Variants in PRPSAP1 observed in about 807,000 individuals in gnomAD.
The protein encoded by PRPSAP1 is phosphoribosyl pyrophosphate synthetase associated protein 1, also known as phosphoribosyl pyrophosphate synthase-associated protein 1.
Under a neutral mutation model 39.4 loss-of-function variants are expected in PRPSAP1, and 31 were observed. The observed-to-expected ratio is 0.79, with a 90% CI of 0.59 to 1.06. PRPSAP1 has a LOEUF of 1.06. Among genes scored for constraint, PRPSAP1 ranks in the 50% least tolerant of loss-of-function variants. The pLI is 0.00. For missense variants in PRPSAP1, 430 were observed against 511.6 expected (o/e 0.84, Z 1.54); for synonymous variants, 212 against 192.6 (o/e 1.10, Z -0.83).
Position 76,311,439 on chromosome 17 carries a change from AGG to A in PRPSAP1, c.*101_*102del. 1.5e-6 allele frequency: 2 copies of A among 1,303,304 alleles called. No homozygotes were observed. Among genetic ancestry groups the A allele is most frequent in the Non-Finnish European group, 2.1e-6 (2 of 960,276 alleles). The allele number at this position is 1,303,304 out of a possible 1,614,324, so 80.7% of individuals were successfully genotyped here. On this transcript the variant is annotated 3_prime_UTR_variant, in exon 10 of 10. Coordinates refer to ENST00000446526, the MANE Select transcript of PRPSAP1 (RefSeq NM_002766.3). The stretch of plus-strand genomic sequence containing the variant: ...CGGGCAAAAGAAGATATCTAACTCC[AGG>A]CTGTTTCGAGTCCTCCCTTGCAAGG...
At position 76,309,737 on chromosome 17, in the gene PRPSAP1, T is replaced by C. The variant is rs1256500670; in HGVS notation, c.*1805A>G. 1 of 152,230 alleles carries C rather than the reference T, an allele frequency of 6.6e-6. No homozygotes were observed. The highest frequency in any genetic ancestry group is 2.4e-5 in the African/African-American group (1 of 41,448). 9.4% of individuals were successfully genotyped at this position (152,230 alleles called of 1,614,324 possible). On this transcript the variant is annotated 3_prime_UTR_variant, in exon 10 of 10. Transcript: ENST00000446526. ...AGTCATCCAGGATGTGCATAGCTTA[T>C]ATGCAGATACTACACCATTTTCTAT...
At position 76,310,729 on chromosome 17, in the gene PRPSAP1, C is replaced by CA. The variant is rs2071062076; in HGVS notation, c.*812dup. ...AGCAATCCTCCTTGCCTCAGCCTCCCAAAGTACTCAGATTATAGGTGTGAG... is the reference window on the plus strand; with the variant it reads ...AGCAATCCTCCTTGCCTCAGCCTCCCAAAAGTACTCAGATTATAGGTGTGAG... On this transcript the variant is annotated 3_prime_UTR_variant, in exon 10 of 10. Coordinates refer to ENST00000446526, the MANE Select transcript of PRPSAP1 (RefSeq NM_002766.3). 3 of 151,896 alleles carry CA rather than the reference C, an allele frequency of 2.0e-5. No homozygotes were observed. The South Asian group carries it at 6.2e-4, about 32-fold the overall frequency. 9.4% of individuals were successfully genotyped at this position (151,896 alleles called of 1,614,324 possible). A position where few individuals can be genotyped will look rare whatever the true frequency, so the allele number is the denominator to read the frequency against.
chr17:76,325,078 AAAAAAG>A (rs1461391440), intron 7 of PRPSAP1, among the ~76,000 whole-genome samples: 3 of 149,542 alleles, frequency 2.0e-5, no homozygotes, highest in Non-Finnish European at 4.4e-5. Context: ...ACAAAAAAAA[AAAAAAG>A]AAAAGAAAAA....
intron 3 of PRPSAP1, among the ~76,000 whole-genome samples, chr17:76,334,178 T>A (rs773368899): frequency 1.3e-5 from 2 of 152,156 alleles, no homozygotes; most frequent in Non-Finnish European, 2.9e-5. Flanking sequence ...AACATCCCCG[T>A]CTTGGGGTGG....
chr17:76,328,625 A>C, intron 7 of PRPSAP1, 92 bp downstream of exon 7: 1 of 1,492,134 alleles, frequency 6.7e-7, no homozygotes, highest in Non-Finnish European at 9.1e-7. Context: ...AAAACAAAAC[A>C]AAACAAAACA....
chr17:76,328,883 G>C (rs773288150), intron 6 of PRPSAP1, 21 bp from the exon 7 acceptor site: 1 of 1,587,698 alleles, frequency 6.3e-7, no homozygotes, highest in Admixed American at 1.9e-5. Flanking sequence ...AAAGGGAAAT[G>C]GTGAAACTGA....
rs1451648915 is a variant in PRPSAP1 at position 76,353,865 on chromosome 17, A to G, written c.-162T>C. ...CCTTGCGCACCCCACACCACTGACTACAGCGGCCGAGCCTTCGCAGCGCCC... is the reference window on the plus strand; with the variant it reads ...CCTTGCGCACCCCACACCACTGACTGCAGCGGCCGAGCCTTCGCAGCGCCC... On this transcript the variant is annotated 5_prime_UTR_variant, in exon 1 of 10. Transcript: ENST00000446526. The G allele has an allele frequency of 3.0e-6, 4 of 1,316,968 alleles. No homozygotes were observed. The highest frequency in any genetic ancestry group is 3.9e-6 in the Non-Finnish European group (4 of 1,037,134). The allele number at this position is 1,316,968 out of a possible 1,614,324, so 81.6% of individuals were successfully genotyped here.
Position 76,353,697 on chromosome 17 carries a change from T to C in PRPSAP1, c.7A>G (p.Lys3Glu), listed in dbSNP as rs551696186. 49 of 1,483,214 alleles carry C rather than the reference T, an allele frequency of 3.3e-5. No individual in the cohort carries two copies. The highest frequency in any genetic ancestry group is 4.8e-4 in the Middle Eastern group (2 of 4,200). The allele number at this position is 1,483,214 out of a possible 1,614,324, so 91.9% of individuals were successfully genotyped here. The stretch of plus-strand genomic sequence containing the variant: ...GGCGGGGGCAACAGCAGCAGCTTCT[T>C]GGGCATCGTCCGGCCCGCGGCGCGG... The part of the protein sequence containing the change: MP[K>E]KLLLLPPPSA... Residue 3 changes from lysine (K) to glutamate (E), a missense_variant, in exon 1 of 10, where the codon AAG (lysine) becomes GAG (glutamate). Lys to Glu is a moderately conservative substitution (Grantham distance 56). Around this residue, in one of 2 missense-constraint regions of PRPSAP1, gnomAD observed 152 missense variants for 135.2 expected, o/e 1.12. Transcript: ENST00000446526.
intron 2 of PRPSAP1, among the ~76,000 whole-genome samples, chr17:76,346,601 T>C (rs1415802838): frequency 6.6e-6 from 1 of 152,210 alleles, no homozygotes; most frequent in East Asian, 1.9e-4. Context: ...GTTTCTAGAC[T>C]GTGGATCTTC....
In PRPSAP1 at chr17:76,343,343, C is replaced by G. The variant is rs151142458; in HGVS notation, c.290+1328G>C. Among the ~76,000 whole-genome samples, 474 of 152,320 alleles carry G rather than the reference C, an allele frequency of 3.1e-3. 4 individuals are homozygous for G. Among genetic ancestry groups the G allele is most frequent in the African/African-American group, 0.011 (443 of 41,578 alleles). On this transcript the variant is annotated intron_variant, in intron 3 of 9. Coordinates refer to ENST00000446526, the MANE Select transcript of PRPSAP1 (RefSeq NM_002766.3). ...CCCCCTGCCCTGAGGGAAGCAAGGG[C>G]GACGATCTCTGAAACAGAGATAGGC...
intron 7 of PRPSAP1, among the ~76,000 whole-genome samples, chr17:76,327,083 C>G (rs1598525238): frequency 1.3e-5 from 2 of 152,304 alleles, no homozygotes; most frequent in South Asian, 2.1e-4. Context: ...CACGGTGGCT[C>G]ACACCTGTAA....
Position 76,350,656 on chromosome 17 carries a change from A to G in PRPSAP1, c.171-2075T>C, listed in dbSNP as rs540751060. ...TACAGAGTTTCTGTTTGGGATGATG[A>G]AAAGTTCTGGAAATGAATAGTGGTG... On this transcript the variant is annotated intron_variant, in intron 1 of 9. Coordinates refer to ENST00000446526, the MANE Select transcript of PRPSAP1 (RefSeq NM_002766.3). 3.3e-4 allele frequency among the ~76,000 whole-genome samples: 51 copies of G among 152,306 alleles called. 1 individual carries two copies. In the South Asian group the frequency reaches 6.8e-3, roughly 20 times the overall value.
intron 7 of PRPSAP1, among the ~76,000 whole-genome samples, chr17:76,319,863 G>T (rs2071170263): frequency 6.6e-6 from 1 of 152,180 alleles, no homozygotes; most frequent in Admixed American, 6.5e-5. Flanking sequence ...CACGGGGCGT[G>T]GTTATAGCAC....
At chr17:76,337,089 T>G (rs868055679) in intron 3 of PRPSAP1, among the ~76,000 whole-genome samples, 1 of 152,136 alleles carries the variant, frequency 6.6e-6, no homozygotes, top group South Asian at 2.1e-4. Flanking sequence ...CTACTTTTCT[T>G]TCTTTTTTTT....
At chr17:76,319,659 G>A (rs1478689730) in intron 7 of PRPSAP1, among the ~76,000 whole-genome samples, 4 of 151,554 alleles carry the variant, frequency 2.6e-5, no homozygotes, top group Admixed American at 6.6e-5. Flanking sequence ...AGTAGAGACG[G>A]GGTTTCACCG....
At chr17:76,352,412 G>A (rs553012791) in intron 1 of PRPSAP1, among the ~76,000 whole-genome samples, 5 of 152,134 alleles carry the variant, frequency 3.3e-5, no homozygotes, top group South Asian at 4.2e-4. Flanking sequence ...TTGGGAGGCC[G>A]AGGCGGGCGG....
At chr17:76,320,300 A>AGGGAGG (rs1276016405) in intron 7 of PRPSAP1, among the ~76,000 whole-genome samples, 11 of 85,644 alleles carry the variant, frequency 1.3e-4, no homozygotes, top group Admixed American at 2.3e-4. Context: ...GAAAGAAAGA[A>AGGGAGG]AAGAAAGGAA....
At position 76,313,033 on chromosome 17, in the gene PRPSAP1, G is replaced by T; in HGVS notation, c.853-17C>A. The T allele has an allele frequency of 6.2e-7, 1 of 1,612,102 alleles. No homozygotes were observed. The highest frequency in any genetic ancestry group is 8.5e-7 in the Non-Finnish European group (1 of 1,179,322). On this transcript the variant is annotated splice_polypyrimidine_tract_variant and intron_variant, in intron 8 of 9. Coordinates refer to ENST00000446526, the MANE Select transcript of PRPSAP1 (RefSeq NM_002766.3). ...AATGTCATCCTGGGAGGAGAACAGA[G>T]TGAGTTGGTAGGAAAGAAACACCCT...
At chr17:76,317,628 C>A (rs143516027) in intron 7 of PRPSAP1, among the ~76,000 whole-genome samples, 39 of 152,310 alleles carry the variant, frequency 2.6e-4, no homozygotes, top group African/African-American at 8.4e-4. Flanking sequence ...GCAAACAAAT[C>A]AAAATTTACA....
Sources: gnomAD v4.1 joint callset for allele counts (sites outside exome capture counted in the v4.1 genomes callset) on GRCh38, gnomAD v4.1.1 for gene constraint, gnomAD v4.1.1 regional missense constraint, MANE v1.5 for transcripts, NCBI Gene and HGNC (gene_info 2026-07-23, HGNC 2026-07-21) for gene names.